Variants in SGCD observed in about 807,000 individuals in gnomAD.
The protein encoded by SGCD is sarcoglycan delta, also known as delta-sarcoglycan.
A neutral mutation model predicts 36.6 loss-of-function variants in SGCD; 18 were observed. That is an observed-to-expected ratio of 0.49 (90% CI 0.34 to 0.73). The LOEUF is 0.73. SGCD is among the 30% of genes least tolerant of loss of function. SGCD has a pLI of 0.01. For missense variants in SGCD, 387 were observed against 346.7 expected (o/e 1.12, Z -0.92); for synonymous variants, 133 against 130.6 (o/e 1.02, Z -0.12).
At chr5:156,622,482 T>C (rs868565454) in intron 6 of SGCD, among the ~76,000 whole-genome samples, 22 of 134,346 alleles carry the variant, frequency 1.6e-4, no homozygotes, top group African/African-American at 5.2e-4. Context: ...AATAATAATT[T>C]AGGGAAGGAA....
chr5:156,285,046 T>A (rs536127560), intron 3 of SGCD, among the ~76,000 whole-genome samples: 2 of 152,054 alleles, frequency 1.3e-5, no homozygotes, highest in African/African-American at 2.4e-5. Context: ...AACAGAGAGC[T>A]AAATCACGAG....
At chr5:156,027,605 A>G (rs1759252185) in intron 1 of SGCD, among the ~76,000 whole-genome samples, 3 of 152,152 alleles carry the variant, frequency 2.0e-5, no homozygotes, top group African/African-American at 7.2e-5. Flanking sequence ...TACATTTCCC[A>G]GAAAACCTCA....
At chr5:156,520,765 C>G (rs894443069) in intron 4 of SGCD, among the ~76,000 whole-genome samples, 7 of 151,978 alleles carry the variant, frequency 4.6e-5, no homozygotes, top group African/African-American at 1.7e-4. Flanking sequence ...TGCCTGTAAT[C>G]CCAGCACTTT....
At chr5:156,412,276 G>A (rs965437718) in intron 3 of SGCD, among the ~76,000 whole-genome samples, 1 of 152,234 alleles carries the variant, frequency 6.6e-6, no homozygotes, top group African/African-American at 2.4e-5. Context: ...GTGAGCCTCA[G>A]TTGACCAAAC....
intron 3 of SGCD, among the ~76,000 whole-genome samples, chr5:156,229,229 C>A (rs1411051862): frequency 2.9e-4 from 31 of 105,120 alleles, no homozygotes; most frequent in African/African-American, 1.1e-3. Context: ...ACTTTATATA[C>A]ATATACATAC....
At chr5:156,610,792 T>C (rs1761760884) in intron 6 of SGCD, among the ~76,000 whole-genome samples, 1 of 152,232 alleles carries the variant, frequency 6.6e-6, no homozygotes, top group Non-Finnish European at 1.5e-5. Context: ...GATCTCAGAC[T>C]CCTGTGCTGG....
intron 3 of SGCD, among the ~76,000 whole-genome samples, chr5:156,464,219 T>TC (rs1249019974): frequency 2.0e-4 from 30 of 147,276 alleles, no homozygotes; most frequent in Admixed American, 2.0e-3. Flanking sequence ...TCTACATATT[T>TC]TTTTTTTTTT....
chr5:156,405,928 C>G (rs1772375620), intron 3 of SGCD, among the ~76,000 whole-genome samples: 1 of 150,648 alleles, frequency 6.6e-6, no homozygotes, highest in African/African-American at 2.5e-5. Flanking sequence ...GCCAAAACTC[C>G]CTACTAAATA....
intron 1 of SGCD, among the ~76,000 whole-genome samples, chr5:155,987,565 GT>G (rs1758355303): frequency 6.6e-6 from 1 of 152,120 alleles, no homozygotes; most frequent in South Asian, 2.1e-4. Context: ...GCTTCTCTTT[GT>G]TTTAGGATGA....
At chr5:155,781,636 G>GT in the SGCD span, among the ~76,000 whole-genome samples, 69 of 151,656 alleles carry the variant, frequency 4.5e-4, no homozygotes, top group African/African-American at 1.6e-3. Flanking sequence ...TAATTTTTTT[G>GT]TTTTTTGTAT....
rs1314901030 is a variant in SGCD at position 156,766,856 on chromosome 5, G to A, written c.*7466G>A. ...CTTAGAGGGCCACAGCAGCAAAGAG[G>A]TTGGGGTCCATCCCTCTCTGATGTG... On this transcript the variant is annotated 3_prime_UTR_variant, in exon 9 of 9. Transcript: ENST00000337851. 1.3e-5 allele frequency: 2 copies of A among 152,064 alleles called. No individual in the cohort carries two copies. The highest frequency in any genetic ancestry group is 2.9e-5 in the Non-Finnish European group (2 of 68,038). The allele number at this position is 152,064 out of a possible 1,614,324, so 9.4% of individuals were successfully genotyped here.
chr5:156,630,198 A>G (rs1762581448), intron 6 of SGCD, among the ~76,000 whole-genome samples: 2 of 152,184 alleles, frequency 1.3e-5, no homozygotes, highest in Admixed American at 1.3e-4. Flanking sequence ...GTGAAGTCTG[A>G]TAGCAAATAC....
intron 3 of SGCD, among the ~76,000 whole-genome samples, chr5:156,141,704 G>C (rs1762585383): frequency 6.6e-6 from 1 of 152,136 alleles, no homozygotes; most frequent in African/African-American, 2.4e-5. Flanking sequence ...AGAAGTGTTT[G>C]AATTTACATA....
At chr5:156,554,236 T>A (rs1356134353) in intron 4 of SGCD, among the ~76,000 whole-genome samples, 1 of 151,922 alleles carries the variant, frequency 6.6e-6, no homozygotes, top group Non-Finnish European at 1.5e-5. Context: ...ACGCCTGTAA[T>A]CTCAGCTACT....
At chr5:156,645,692 A>C (rs952809486) in intron 6 of SGCD, among the ~76,000 whole-genome samples, 14 of 151,916 alleles carry the variant, frequency 9.2e-5, no homozygotes, top group Admixed American at 9.2e-4. Context: ...TCCCACTTCC[A>C]CCTAGTTGTG....
the SGCD span, among the ~76,000 whole-genome samples, chr5:155,813,333 G>A: frequency 6.6e-6 from 1 of 152,130 alleles, no homozygotes; most frequent in African/African-American, 2.4e-5. Flanking sequence ...CTATCAAGTG[G>A]ACTACAGTGG....
chr5:155,939,338 T>C (rs1757277296), intron 1 of SGCD, among the ~76,000 whole-genome samples: 1 of 152,136 alleles, frequency 6.6e-6, no homozygotes, highest in African/African-American at 2.4e-5. Flanking sequence ...AATTTTTATT[T>C]CTCAACTAAA....
At chr5:156,648,213 C>T (rs1262408482) in intron 7 of SGCD, among the ~76,000 whole-genome samples, 1 of 150,856 alleles carries the variant, frequency 6.6e-6, no homozygotes, top group Non-Finnish European at 1.5e-5. Context: ...ACTATTCTTT[C>T]TATTGCTTCA....
At chr5:155,975,926 G>A (rs1050194689) in intron 1 of SGCD, among the ~76,000 whole-genome samples, 1 of 151,854 alleles carries the variant, frequency 6.6e-6, no homozygotes, top group African/African-American at 2.4e-5. Context: ...CACTGCGCTC[G>A]GCCATGTGTT....
Sources: allele counts gnomAD v4.1 joint callset (sites outside exome capture counted in the v4.1 genomes callset), GRCh38; gene constraint gnomAD v4.1.1; transcripts MANE v1.5; gene names NCBI Gene and HGNC (gene_info 2026-07-23, HGNC 2026-07-21).